GLIS1: variants seen among roughly 807,000 people sequenced by gnomAD.
GLIS1 encodes the protein GLIS family zinc finger 1, also known as zinc finger protein GLIS1.
In GLIS1, 24 loss-of-function variants were observed where a neutral mutation model predicts 63.8. That is an observed-to-expected ratio of 0.38 (90% CI 0.27 to 0.53). The LOEUF (loss-of-function observed/expected upper bound fraction) is 0.53. Among genes scored for constraint, GLIS1 ranks in the 20% least tolerant of loss-of-function variants. The pLI, the probability that GLIS1 is intolerant of heterozygous loss-of-function variation, is 0.85. For missense variants in GLIS1, 1,036 were observed against 1,074.1 expected (o/e 0.96, Z 0.50); for synonymous variants, 450 against 482.5 (o/e 0.93, Z 0.88).
intron 9 of GLIS1, 150 bp downstream of exon 9, chr1:53,509,699 C>G: frequency 2.1e-6 from 1 of 469,112 alleles, no homozygotes; most frequent in South Asian, 1.2e-4. Context: ...CTTATGTCCC[C>G]TGTCTCCTAG....
chr1:53,705,267 C>T (rs573634307), intron 2 of GLIS1, among the ~76,000 whole-genome samples: 6 of 152,132 alleles, frequency 3.9e-5, no homozygotes, highest in Non-Finnish European at 8.8e-5. Context: ...TCCTGGCGAG[C>T]GGCAGATACA....
chr1:53,570,407 C>T (rs1180948749), intron 4 of GLIS1, among the ~76,000 whole-genome samples: 1 of 152,132 alleles, frequency 6.6e-6, no homozygotes, highest in African/African-American at 2.4e-5. Context: ...CGAGTGTAAG[C>T]CACTGCACCT....
chr1:53,697,660 T>A (rs1646480028), intron 2 of GLIS1, among the ~76,000 whole-genome samples: 1 of 152,184 alleles, frequency 6.6e-6, no homozygotes, highest in South Asian at 2.1e-4. Context: ...TACCCATCCA[T>A]CACACTCCTT....
chr1:53,726,747 C>G (rs1646809558), intron 2 of GLIS1, among the ~76,000 whole-genome samples: 1 of 152,158 alleles, frequency 6.6e-6, no homozygotes, highest in South Asian at 2.1e-4. Context: ...ACCACTATGC[C>G]CACCAGCCAG....
intron 2 of GLIS1, among the ~76,000 whole-genome samples, chr1:53,707,423 G>A (rs552050781): frequency 8.9e-4 from 135 of 152,096 alleles, no homozygotes; most frequent in African/African-American, 3.0e-3. Flanking sequence ...AGGCCAAGGC[G>A]GGTGGATCAT....
chr1:53,630,184 A>G (rs1418608089), intron 2 of GLIS1, among the ~76,000 whole-genome samples: 1 of 152,234 alleles, frequency 6.6e-6, no homozygotes, highest in African/African-American at 2.4e-5. Flanking sequence ...TTCAAAAGCC[A>G]TCTTTAGAAC....
chr1:53,608,867 A>AT (rs1199371987), intron 2 of GLIS1, among the ~76,000 whole-genome samples: 3 of 152,170 alleles, frequency 2.0e-5, no homozygotes, highest in Admixed American at 1.3e-4. Flanking sequence ...AATTAGACAG[A>AT]TTCCTGGCAG....
At chr1:53,579,718 G>A (rs571683508) in intron 4 of GLIS1, among the ~76,000 whole-genome samples, 3 of 152,346 alleles carry the variant, frequency 2.0e-5, no homozygotes, top group East Asian at 1.9e-4. Context: ...GGGGGCAGCC[G>A]TGGGGGCAGA....
At chr1:53,696,566 G>A (rs1337172616) in intron 2 of GLIS1, among the ~76,000 whole-genome samples, 4 of 151,894 alleles carry the variant, frequency 2.6e-5, no homozygotes, top group Non-Finnish European at 4.4e-5. Context: ...ACTCTCCATG[G>A]CCCCCTCTAC....
intron 2 of GLIS1, among the ~76,000 whole-genome samples, chr1:53,701,806 A>G (rs143181242): frequency 1.5e-3 from 226 of 152,236 alleles, no homozygotes; most frequent in Non-Finnish European, 2.7e-3. Flanking sequence ...CAGCCTGCCC[A>G]GCATGGAGAA....
chr1:53,669,437 G>C (rs1269804572), intron 2 of GLIS1, among the ~76,000 whole-genome samples: 1 of 152,212 alleles, frequency 6.6e-6, no homozygotes, highest in Non-Finnish European at 1.5e-5. Context: ...GAGAAGGGAA[G>C]GGGAGGGGTA....
intron 2 of GLIS1, among the ~76,000 whole-genome samples, chr1:53,712,656 G>T (rs1467838548): frequency 6.6e-6 from 1 of 152,190 alleles, no homozygotes; most frequent in Non-Finnish European, 1.5e-5. Flanking sequence ...ACTGAATAAG[G>T]TCACAGGCAG....
intron 4 of GLIS1, among the ~76,000 whole-genome samples, chr1:53,587,913 T>C (rs1645152243): frequency 6.6e-6 from 1 of 152,180 alleles, no homozygotes; most frequent in Non-Finnish European, 1.5e-5. Context: ...CTTGGGGTCA[T>C]GGCTAGTACA....
At chr1:53,599,621 G>A (rs964546291) in intron 3 of GLIS1, among the ~76,000 whole-genome samples, 4 of 152,246 alleles carry the variant, frequency 2.6e-5, no homozygotes, top group Non-Finnish European at 5.9e-5. Flanking sequence ...GGAGGCGGGC[G>A]TCAGCCCAGT....
intron 4 of GLIS1, among the ~76,000 whole-genome samples, chr1:53,566,455 G>C (rs1644937346): frequency 6.6e-6 from 1 of 152,164 alleles, no homozygotes; most frequent in South Asian, 2.1e-4. Flanking sequence ...TGAACAAGTA[G>C]AATTTGAAAT....
At chr1:53,721,922 A>G (rs1646759647) in intron 2 of GLIS1, among the ~76,000 whole-genome samples, 1 of 152,248 alleles carries the variant, frequency 6.6e-6, no homozygotes, top group African/African-American at 2.4e-5. Context: ...GAACAAAGGC[A>G]TTAACATCCC....
chr1:53,709,359 C>CAT (rs1557534202), intron 2 of GLIS1, among the ~76,000 whole-genome samples: 3 of 121,920 alleles, frequency 2.5e-5, no homozygotes, highest in Admixed American at 8.4e-5. Flanking sequence ...CATATATATA[C>CAT]ATATACATAT....
chr1:53,551,191 C>G (rs1644755895), intron 4 of GLIS1, among the ~76,000 whole-genome samples: 1 of 152,186 alleles, frequency 6.6e-6, no homozygotes, highest in African/African-American at 2.4e-5. Context: ...TCACTATGTG[C>G]CCGGCATTGT....
intron 4 of GLIS1, among the ~76,000 whole-genome samples, chr1:53,563,634 T>C (rs558436822): frequency 6.6e-6 from 1 of 152,080 alleles, no homozygotes; most frequent in African/African-American, 2.4e-5. Context: ...CTACCTTTAA[T>C]CAAAGTCTCA....
Sources: gnomAD v4.1 joint callset for allele counts (sites outside exome capture counted in the v4.1 genomes callset) on GRCh38, gnomAD v4.1.1 for gene constraint, MANE v1.5 for transcripts, NCBI Gene and HGNC (gene_info 2026-07-23, HGNC 2026-07-21) for gene names.